HEMK2: variants seen among roughly 807,000 people sequenced by gnomAD.
HEMK2 encodes the protein methyltransferase HEMK2.
At chr21:28,752,934 C>T in the HEMK2 span, among the ~76,000 whole-genome samples, 9 of 152,180 alleles carry the variant, frequency 5.9e-5, no homozygotes, top group Non-Finnish European at 1.3e-4. Flanking sequence ...GCACAGTGAG[C>T]CCATCCTTCT....
the HEMK2 span, among the ~76,000 whole-genome samples, chr21:28,739,479 A>G: frequency 8.5e-4 from 129 of 152,374 alleles, no homozygotes; most frequent in Middle Eastern, 3.4e-3. Context: ...AAGTAGTGAG[A>G]AAATGTTAAT....
the HEMK2 span, among the ~76,000 whole-genome samples, chr21:28,610,340 GACAA>G: frequency 3.9e-5 from 6 of 152,050 alleles, no homozygotes; most frequent in Non-Finnish European, 5.9e-5. Context: ...GTCTTTTTCA[GACAA>G]ACAAATGCTG....
chr21:28,820,391 C>G, the HEMK2 span, among the ~76,000 whole-genome samples: 15 of 152,026 alleles, frequency 9.9e-5, no homozygotes, highest in African/African-American at 3.6e-4. Context: ...TAACTGAACC[C>G]ATATTGCAAG....
chr21:28,607,452 T>C, the HEMK2 span, among the ~76,000 whole-genome samples: 91 of 152,132 alleles, frequency 6.0e-4, no homozygotes, highest in African/African-American at 2.0e-3. Context: ...AATAAATAAA[T>C]AAATAAAATG....
At chr21:28,830,217 A>T in the HEMK2 span, among the ~76,000 whole-genome samples, 1 of 152,154 alleles carries the variant, frequency 6.6e-6, no homozygotes, top group Non-Finnish European at 1.5e-5. Flanking sequence ...TCTCATGTCA[A>T]ACTGTAATTC....
chr21:28,877,299 A>AG, the HEMK2 span, among the ~76,000 whole-genome samples: 3,052 of 114,896 alleles, frequency 0.027, 91 homozygotes, highest in African/African-American at 0.051. Context: ...GAAGGAAGGA[A>AG]GAGAGAGAGA....
the HEMK2 span, among the ~76,000 whole-genome samples, chr21:28,778,515 C>T: frequency 6.6e-6 from 1 of 152,184 alleles, no homozygotes; most frequent in Non-Finnish European, 1.5e-5. Context: ...GAAACTTCTT[C>T]AGAGTGGTTG....
the HEMK2 span, among the ~76,000 whole-genome samples, chr21:28,848,135 C>G: frequency 6.6e-6 from 1 of 152,110 alleles, no homozygotes; most frequent in Non-Finnish European, 1.5e-5. Flanking sequence ...AATTTTAGAA[C>G]AGTCTTTTCC....
the HEMK2 span, among the ~76,000 whole-genome samples, chr21:28,782,817 AT>A: frequency 3.3e-5 from 5 of 152,238 alleles, no homozygotes; most frequent in African/African-American, 1.2e-4. Flanking sequence ...TACACTTTAA[AT>A]TAGTGATTTG....
At chr21:28,681,273 C>T in the HEMK2 span, among the ~76,000 whole-genome samples, 1 of 152,070 alleles carries the variant, frequency 6.6e-6, no homozygotes, top group Non-Finnish European at 1.5e-5. Context: ...AAACAGAGAA[C>T]CAAATCATGA....
the HEMK2 span, among the ~76,000 whole-genome samples, chr21:28,593,843 G>C: frequency 4.6e-5 from 7 of 152,160 alleles, no homozygotes; most frequent in South Asian, 2.1e-4. Flanking sequence ...TCTTGCAGAA[G>C]AATTCCAAAT....
the HEMK2 span, chr21:28,882,281 C>G: frequency 6.5e-7 from 1 of 1,539,854 alleles, no homozygotes; most frequent in East Asian, 2.3e-5. Context: ...AAACTATATC[C>G]TATGTCCATA....
chr21:28,713,357 C>T, the HEMK2 span, among the ~76,000 whole-genome samples: 8 of 152,256 alleles, frequency 5.3e-5, no homozygotes, highest in African/African-American at 1.9e-4. Flanking sequence ...ATGTCTCTCC[C>T]CAGCTTAAAG....
the HEMK2 span, among the ~76,000 whole-genome samples, chr21:28,861,779 G>A: frequency 1.3e-5 from 2 of 152,118 alleles, no homozygotes; most frequent in South Asian, 2.1e-4. Context: ...TCCAATATAC[G>A]GTACTGTTTC....
the HEMK2 span, among the ~76,000 whole-genome samples, chr21:28,641,396 T>C: frequency 6.6e-6 from 1 of 152,166 alleles, no homozygotes; most frequent in Non-Finnish European, 1.5e-5. Flanking sequence ...GCCCCCCTCC[T>C]ACCCACAGAC....
the HEMK2 span, among the ~76,000 whole-genome samples, chr21:28,840,870 G>C: frequency 6.8e-6 from 1 of 147,936 alleles, no homozygotes; most frequent in Admixed American, 7.0e-5. Flanking sequence ...AGGAAAAGAA[G>C]TCATTATTCA....
At chr21:28,786,752 G>A in the HEMK2 span, among the ~76,000 whole-genome samples, 1 of 151,442 alleles carries the variant, frequency 6.6e-6, no homozygotes, top group Non-Finnish European at 1.5e-5. Flanking sequence ...AAAGACTGAT[G>A]ATATTATTAA....
the HEMK2 span, among the ~76,000 whole-genome samples, chr21:28,776,005 G>A: frequency 6.6e-6 from 1 of 152,144 alleles, no homozygotes; most frequent in Non-Finnish European, 1.5e-5. Flanking sequence ...ATATGCAATG[G>A]CCTTTAACAG....
the HEMK2 span, among the ~76,000 whole-genome samples, chr21:28,791,760 G>A: frequency 4.6e-5 from 7 of 152,118 alleles, no homozygotes; most frequent in African/African-American, 1.7e-4. Flanking sequence ...CCAATCCACT[G>A]TGCCCAAATT....
Sources: gnomAD v4.1 joint callset for allele counts (sites outside exome capture counted in the v4.1 genomes callset) on GRCh38, gnomAD v4.1.1 for gene constraint, MANE v1.5 for transcripts, NCBI Gene and HGNC (gene_info 2026-07-23, HGNC 2026-07-21) for gene names.